The following NOC3L variants were observed in gnomAD, a reference collection of about 807,000 sequenced individuals.
The protein encoded by NOC3L is nucleolar complex protein 3 homolog.
A neutral mutation model predicts 102.5 loss-of-function variants in NOC3L; 85 were observed. That is an observed-to-expected ratio of 0.83 (90% CI 0.70 to 0.99). NOC3L has a LOEUF of 0.99. Ranked by LOEUF, NOC3L falls within the 50% of genes least tolerant of loss-of-function variation. NOC3L has a pLI of 0.00. For synonymous variants in NOC3L, 303 were observed against 309.4 expected (o/e 0.98, Z 0.22); for missense variants, 878 against 914.9 (o/e 0.96, Z 0.52).
intron 10 of NOC3L, 65 bp from the exon 11 acceptor site, chr10:94,346,621 T>C (rs572333650): frequency 2.9e-4 from 282 of 957,072 alleles, no homozygotes; most frequent in African/African-American, 2.7e-3. Context: ...AAACTTTACA[T>C]AGAAAAGCAT....
At chr10:94,354,014 T>A (rs909004593) in intron 6 of NOC3L, among the ~76,000 whole-genome samples, 2 of 152,056 alleles carry the variant, frequency 1.3e-5, no homozygotes, top group Non-Finnish European at 2.9e-5. Context: ...ATCACTTGGG[T>A]TTTTTAAGGC....
intron 18 of NOC3L, among the ~76,000 whole-genome samples, chr10:94,338,135 T>A (rs1411800241): frequency 6.6e-6 from 1 of 152,238 alleles, no homozygotes; most frequent in Non-Finnish European, 1.5e-5. Flanking sequence ...AAGCAATTCC[T>A]CTTTCAGAGT....
the NOC3L span, among the ~76,000 whole-genome samples, chr10:94,322,259 CAGG>C: frequency 6.6e-6 from 1 of 151,892 alleles, no homozygotes; most frequent in Non-Finnish European, 1.5e-5. Context: ...GAAGCTGAGG[CAGG>C]AGGATTACTT....
At chr10:94,344,964 G>C (rs371130103) in intron 11 of NOC3L, 31 bp from the exon 12 acceptor site, 1 of 1,507,336 alleles carries the variant, frequency 6.6e-7, no homozygotes, top group Non-Finnish European at 9.1e-7. Flanking sequence ...AAAAATCTAA[G>C]AGCATATACC....
chr10:94,357,583 T>C (rs1025841320), intron 3 of NOC3L: 1 of 310,498 alleles, frequency 3.2e-6, no homozygotes, highest in Non-Finnish European at 5.8e-6. Context: ...AAAATAAAGG[T>C]GAAAGTTACA....
At chr10:94,328,634 A>C (rs1589558571), downstream of NOC3L, 1 of 152,240 alleles carries the variant, frequency 6.6e-6, no homozygotes, top group East Asian at 1.9e-4. Flanking sequence ...CGAGAATTAG[A>C]AGCTTAGAAT....
At chr10:94,316,565 G>C in the NOC3L span, 1 of 1,606,868 alleles carries the variant, frequency 6.2e-7, no homozygotes, top group South Asian at 1.1e-5. Context: ...AAATGAACAA[G>C]ACATCAAACC....
At position 94,357,194 on chromosome 10, in the gene NOC3L, G is replaced by C. The variant is rs2054496743; in HGVS notation, c.488C>G (p.Pro163Arg). Reference sequence around the variant, plus strand: ...CTCACCTGGCTTCTCCCTAGTCTGTGGGATTATACCACTTTTATCTTTGAT... The same window carrying C: ...CTCACCTGGCTTCTCCCTAGTCTGTCGGATTATACCACTTTTATCTTTGAT... Reference protein sequence around the residue: ...LPIKDKSGIIPQTREKPVTDS... With the variant: ...LPIKDKSGIIRQTREKPVTDS... The change falls in exon 4 of 21, where the codon CCA becomes CGA. Residue 163 changes from proline (P) to arginine (R), a missense_variant. Physicochemically the swap from Pro to Arg is moderately radical, Grantham distance 103 (BLOSUM62 -2). Transcript: ENST00000371361. 6.3e-7 allele frequency: 1 copy of C among 1,590,044 alleles called. No homozygotes were observed. The highest frequency in any genetic ancestry group is 2.3e-5 in the East Asian group (1 of 43,988).
intron 3 of NOC3L, 81 bp downstream of exon 3, chr10:94,358,002 T>C (rs2054507660): frequency 2.3e-6 from 2 of 855,338 alleles, no homozygotes; most frequent in Non-Finnish European, 2.0e-6. Context: ...GGTGAACACC[T>C]TGAACCACCT....
intron 2 of NOC3L, among the ~76,000 whole-genome samples, chr10:94,358,936 A>G (rs2054519535): frequency 6.6e-6 from 1 of 151,952 alleles, no homozygotes; most frequent in East Asian, 1.9e-4. Context: ...AAATCCCAAC[A>G]ACAGATCATT....
intron 10 of NOC3L, among the ~76,000 whole-genome samples, chr10:94,346,771 T>C (rs1425722682): frequency 6.6e-6 from 1 of 152,154 alleles, no homozygotes; most frequent in Non-Finnish European, 1.5e-5. Flanking sequence ...AAACGGACGC[T>C]AGCAAATACT....
At chr10:94,325,105 G>T in the NOC3L span, 1 of 1,601,704 alleles carries the variant, frequency 6.2e-7, no homozygotes, top group African/African-American at 1.3e-5. Context: ...TTTAACCCAG[G>T]TATAGTAAGT....
At chr10:94,361,117 T>C (rs1260255832) in intron 2 of NOC3L, among the ~76,000 whole-genome samples, 1 of 152,346 alleles carries the variant, frequency 6.6e-6, no homozygotes, top group African/African-American at 2.4e-5. Context: ...ACCAGCAAAG[T>C]TGTAGAACTA....
chr10:94,335,825 T>C (rs1158361803), intron 19 of NOC3L, among the ~76,000 whole-genome samples: 1 of 152,142 alleles, frequency 6.6e-6, no homozygotes, highest in East Asian at 1.9e-4. Context: ...ACCAATGGGC[T>C]TGCAAACGGA....
chr10:94,347,283 C>T (rs559147329), intron 10 of NOC3L, among the ~76,000 whole-genome samples: 2 of 152,200 alleles, frequency 1.3e-5, no homozygotes, highest in East Asian at 3.9e-4. Flanking sequence ...GCTAAAAGCA[C>T]AGAATGAAAC....
At chr10:94,325,097 T>C in the NOC3L span, 1 of 1,610,334 alleles carries the variant, frequency 6.2e-7, no homozygotes, top group African/African-American at 1.3e-5. Context: ...GCAGCATGTT[T>C]AACCCAGGTA....
chr10:94,354,760 A>T (rs1039763898), intron 6 of NOC3L, among the ~76,000 whole-genome samples: 1 of 152,188 alleles, frequency 6.6e-6, no homozygotes, highest in African/African-American at 2.4e-5. Flanking sequence ...AGTTTAAGTA[A>T]CTTTTCTAGG....
rs779215504 is a variant in NOC3L at position 94,349,230 on chromosome 10, GT to G, written c.1257+19del. 6.5e-7 allele frequency: 1 copy of G among 1,550,220 alleles called. No homozygotes were observed. Among genetic ancestry groups the G allele is most frequent in the South Asian group, 1.2e-5 (1 of 80,092 alleles). On this transcript the variant is annotated intron_variant, in intron 10 of 20. Transcript: ENST00000371361. ...TTGTAATTTAAAAACAAAATGCAAAGTAAAAAAAAAAAGGCTCACCTCTGGC... is the reference window on the plus strand; with the variant it reads ...TTGTAATTTAAAAACAAAATGCAAAGAAAAAAAAAAAGGCTCACCTCTGGC...
At chr10:94,340,529 G>A (rs2054270733) in intron 14 of NOC3L, 33 bp from the exon 15 acceptor site, 1 of 1,444,798 alleles carries the variant, frequency 6.9e-7, no homozygotes, top group South Asian at 1.2e-5. Flanking sequence ...TGAGGGGGAT[G>A]GAATATTAAG....
Sources: gnomAD v4.1 joint callset for allele counts (sites outside exome capture counted in the v4.1 genomes callset) on GRCh38, gnomAD v4.1.1 for gene constraint, MANE v1.5 for transcripts, NCBI Gene and HGNC (gene_info 2026-07-23, HGNC 2026-07-21) for gene names.